Variants in PARVB observed in about 807,000 individuals in gnomAD.
PARVB encodes the protein parvin beta, also known as beta-parvin.
In PARVB, 46 loss-of-function variants were observed where a neutral mutation model predicts 47.0. The ratio of observed to expected loss-of-function variants is 0.98; its 90% CI spans 0.77 to 1.25. PARVB has a LOEUF of 1.25. PARVB is among the 50% of genes most tolerant of loss of function. PARVB has a pLI of 0.00. For synonymous variants in PARVB, 196 were observed against 196.3 expected, an observed-to-expected ratio of 1.00 and a Z score of 0.01; for missense variants, 473 against 471.6, an observed-to-expected ratio of 1.00 and a Z score of -0.03.
intron 7 of PARVB, among the ~76,000 whole-genome samples, chr22:44,138,477 G>A (rs2053486464): frequency 6.6e-6 from 1 of 152,182 alleles, no homozygotes; most frequent in South Asian, 2.1e-4. Context: ...GATGCCCCAG[G>A]TAGGTTCTCC....
intron 4 of PARVB, among the ~76,000 whole-genome samples, chr22:44,122,554 C>CAGAG (rs2053085758): frequency 1.9e-5 from 1 of 54,024 alleles, no homozygotes; most frequent in Admixed American, 2.1e-4. Context: ...GAGAGAGAGA[C>CAGAG]ACAGAGACAG....
chr22:44,167,010 T>C (rs1397432743), intron 12 of PARVB, among the ~76,000 whole-genome samples: 2 of 152,112 alleles, frequency 1.3e-5, no homozygotes, highest in Non-Finnish European at 2.9e-5. Context: ...GAGACTGCCC[T>C]GTTGGTCCCC....
chr22:44,024,251 C>G, upstream of PARVB: 2 of 660,450 alleles, frequency 3.0e-6, no homozygotes, highest in Non-Finnish European at 1.9e-6. Context: ...GGGCGGGGGC[C>G]GGCGGCGGGG....
intron 1 of PARVB, among the ~76,000 whole-genome samples, chr22:44,054,234 T>C (rs973546026): frequency 1.3e-5 from 2 of 152,054 alleles, no homozygotes; most frequent in Non-Finnish European, 2.9e-5. Context: ...CAACATCTTT[T>C]ATTATTATTA....
chr22:44,112,334 G>C (rs2052719096), intron 3 of PARVB: 1 of 152,046 alleles, frequency 6.6e-6, no homozygotes, highest in Non-Finnish European at 1.5e-5. Context: ...GGAATACCCT[G>C]ACCCCAGCGG....
intron 2 of PARVB, among the ~76,000 whole-genome samples, chr22:44,017,072 G>A (rs12167483): frequency 0.091 from 13,734 of 151,658 alleles, 772 homozygotes; most frequent in Middle Eastern, 0.18. Flanking sequence ...ATGGGGTTTC[G>A]CCCTGTTGGC....
At chr22:44,087,355 G>T (rs939313352) in intron 1 of PARVB, among the ~76,000 whole-genome samples, 18 of 152,194 alleles carry the variant, frequency 1.2e-4, no homozygotes, top group African/African-American at 4.3e-4. Context: ...AGAAAATGGA[G>T]TTGCCATTGC....
At chr22:44,137,747 G>A (rs770847502) in intron 7 of PARVB, among the ~76,000 whole-genome samples, 1 of 152,026 alleles carries the variant, frequency 6.6e-6, no homozygotes, top group East Asian at 1.9e-4. Flanking sequence ...TCACAGTGCT[G>A]GGCATCTTCC....
intron 1 of PARVB, among the ~76,000 whole-genome samples, chr22:44,054,865 CT>C (rs2051275528): frequency 6.6e-6 from 1 of 151,534 alleles, no homozygotes; most frequent in African/African-American, 2.4e-5. Flanking sequence ...TGGTGGGCGC[CT>C]GTAATCCCAG....
At chr22:44,008,829 C>CA (rs948348177) in intron 2 of PARVB, among the ~76,000 whole-genome samples, 6 of 147,374 alleles carry the variant, frequency 4.1e-5, no homozygotes, top group East Asian at 4.0e-4. Flanking sequence ...ACTAAAAGTA[C>CA]AAAAAAAAAA....
chr22:44,038,955 G>A (rs2050969574), intron 1 of PARVB, among the ~76,000 whole-genome samples: 1 of 152,142 alleles, frequency 6.6e-6, no homozygotes, highest in African/African-American at 2.4e-5. Flanking sequence ...TAGATAAAGG[G>A]TTTGAACAGA....
intron 1 of PARVB, among the ~76,000 whole-genome samples, chr22:44,055,471 A>C (rs1402910452): frequency 6.6e-6 from 1 of 151,736 alleles, no homozygotes; most frequent in Admixed American, 6.6e-5. Flanking sequence ...AGTAGCTGAG[A>C]TTACAGGCAC....
rs60000015 is a variant in PARVB at position 44,102,249 on chromosome 22, C to G, written c.273+2126C>G. On this transcript the variant is annotated intron_variant, in intron 3 of 12. Coordinates refer to ENST00000338758, the MANE Select transcript of PARVB (RefSeq NM_013327.5). ...TTTTGTTCTATGGGATCAGATGAGG[C>G]CCACCCGCTTTGGGGAGGGCTGTCT... is the stretch of plus-strand genomic sequence containing the variant. Among the ~76,000 whole-genome samples the G allele has an allele frequency of 1.1e-3, 171 of 152,186 alleles. 2 individuals carry two copies. In the East Asian group the frequency reaches 0.024, roughly 22 times the overall value.
At chr22:44,018,245 T>G (rs778048425) in intron 2 of PARVB, among the ~76,000 whole-genome samples, 2 of 151,888 alleles carry the variant, frequency 1.3e-5, no homozygotes, top group Non-Finnish European at 2.9e-5. Context: ...CTACTAAAAT[T>G]ACAAAAATTA....
chr22:44,170,514 C>A lies in PARVB; in HGVS notation c.*1836C>A, dbSNP rs1242888254. 6.6e-6 allele frequency: 1 copy of A among 152,130 alleles called. No individual in the cohort carries two copies. Among genetic ancestry groups the A allele is most frequent in the Non-Finnish European group, 1.5e-5 (1 of 68,018 alleles). 9.4% of individuals were successfully genotyped at this position (152,130 alleles called of 1,614,324 possible). A position where few individuals can be genotyped will look rare whatever the true frequency, so the allele number is the denominator to read the frequency against. ...GTGTTCATGTTACTCTCCCTGTAGC[C>A]CTGAGAGCATCTCCCTTAGAGTATC... On this transcript the variant is annotated 3_prime_UTR_variant, in exon 13 of 13. Transcript: ENST00000338758.
chr22:44,152,933 C>T (rs932627938), intron 10 of PARVB: 4 of 152,174 alleles, frequency 2.6e-5, no homozygotes, highest in Non-Finnish European at 5.9e-5. Flanking sequence ...GTAGAAATGT[C>T]TGAAAATGCA....
At chr22:44,092,451 T>C (rs1017966825) in intron 1 of PARVB, among the ~76,000 whole-genome samples, 1 of 152,134 alleles carries the variant, frequency 6.6e-6, no homozygotes, top group African/African-American at 2.4e-5. Context: ...CCTGCAGCTA[T>C]GAAAATGGGA....
At chr22:44,112,814 C>G (rs865928315) in intron 3 of PARVB, 347 of 85,612 alleles carry the variant, frequency 4.1e-3, no homozygotes, top group Middle Eastern at 0.016. Flanking sequence ...TTGTTACTAA[C>G]TAAGGCCCTG....
At chr22:44,121,086 C>T (rs1189257441) in intron 4 of PARVB, among the ~76,000 whole-genome samples, 2 of 150,018 alleles carry the variant, frequency 1.3e-5, no homozygotes, top group African/African-American at 4.9e-5. Context: ...CATGATCCAC[C>T]CACCTCAGCC....
Sources: allele counts gnomAD v4.1 joint callset (sites outside exome capture counted in the v4.1 genomes callset), GRCh38; gene constraint gnomAD v4.1.1; transcripts MANE v1.5; gene names NCBI Gene and HGNC (gene_info 2026-07-23, HGNC 2026-07-21).